ACER2: variants seen among roughly 807,000 people sequenced by gnomAD.
ACER2 encodes the protein alkaline ceramidase 2.
Under a neutral mutation model 34.7 loss-of-function variants are expected in ACER2, and 26 were observed. That is an observed-to-expected ratio of 0.75 (90% confidence interval 0.55 to 1.04). ACER2 has a LOEUF of 1.04. ACER2 is among the 50% of genes least tolerant of loss of function. The pLI, the probability that ACER2 is intolerant of heterozygous loss-of-function variation, is 0.00. For synonymous variants in ACER2, 138 were observed against 132.1 expected (o/e 1.04, Z -0.31); for missense variants, 352 against 340.8 (o/e 1.03, Z -0.26).
intron 4 of ACER2, 132 bp downstream of exon 4, chr9:19,435,216 T>C: frequency 8.5e-7 from 1 of 1,176,782 alleles, no homozygotes. Context: ...GACTGTTGGA[T>C]GGAAGCAATT....
intron 1 of ACER2, among the ~76,000 whole-genome samples, chr9:19,423,583 C>T (rs1026684819): frequency 1.3e-5 from 2 of 152,164 alleles, no homozygotes; most frequent in Non-Finnish European, 2.9e-5. Flanking sequence ...TGCCTGTAAT[C>T]CCAGCTACTC....
intron 1 of ACER2, among the ~76,000 whole-genome samples, chr9:19,419,893 T>C (rs1258919040): frequency 6.6e-6 from 1 of 152,202 alleles, no homozygotes; most frequent in Non-Finnish European, 1.5e-5. Flanking sequence ...CTGCTCCCAT[T>C]CTGCCCCTGA....
Position 19,424,813 on chromosome 9 carries a change from T to G in ACER2, c.337T>G (p.Tyr113Asp), listed in dbSNP as rs1354308273. 9.3e-6 allele frequency: 15 copies of G among 1,614,070 alleles called. No homozygotes were observed. The highest frequency in any genetic ancestry group is 1.3e-5 in the Non-Finnish European group (15 of 1,180,038). Residue 113 changes from tyrosine to aspartate, a missense_variant, in exon 3 of 6, where the codon TAT becomes GAT. Transcript: ENST00000340967. The part of the protein sequence containing the change: ...CALAMWFPRR[Y>D]LPKIFRNDRG... ...TTTGGCCATGTGGTTCCCCAGAAGG[T>G]ATCTACCAAAGATCTTTCGGAATGA... is the stretch of plus-strand genomic sequence containing the variant.
chr9:19,437,449 C>G (rs554389566), intron 4 of ACER2, among the ~76,000 whole-genome samples: 1 of 152,314 alleles, frequency 6.6e-6, no homozygotes, highest in African/African-American at 2.4e-5. Context: ...GTCACCTCCT[C>G]CCATATCCAT....
rs1186726131 is a variant in ACER2 at position 19,424,744 on chromosome 9, C to G, written c.268C>G (p.Gln90Glu). The change falls in exon 3 of 6, where the codon CAG (glutamine) becomes GAG (glutamate). Residue 90 changes from glutamine to glutamate, a missense_variant. Gln to Glu is a conservative substitution (Grantham distance 29, BLOSUM62 2). Coordinates refer to ENST00000340967, the MANE Select transcript of ACER2 (RefSeq NM_001010887.3). ...CCATGCAACCCTTAGTTTCTTGGGT[C>G]AGATGCTTGATGAACTTGCAGTCCT... is the stretch of plus-strand genomic sequence containing the variant. ...YFHATLSFLG[Q>E]MLDELAVLWV... 1 of 1,613,984 alleles carries G rather than the reference C, an allele frequency of 6.2e-7. No homozygotes were observed. The highest frequency in any genetic ancestry group is 8.5e-7 in the Non-Finnish European group (1 of 1,180,040).
chr9:19,421,672 G>C (rs1830411757), intron 1 of ACER2, among the ~76,000 whole-genome samples: 1 of 152,122 alleles, frequency 6.6e-6, no homozygotes, highest in Admixed American at 6.5e-5. Context: ...GAACTAGATA[G>C]AGGTGATGGT....
chr9:19,450,251 C>T, intron 5 of ACER2, 199 bp from the exon 6 acceptor site: 1 of 985,404 alleles, frequency 1.0e-6, no homozygotes, highest in Non-Finnish European at 1.2e-6. Flanking sequence ...TAAAACGGGT[C>T]CCAAATTGCT....
intron 5 of ACER2, 130 bp downstream of exon 5, chr9:19,446,548 G>A (rs1355337869): frequency 1.4e-5 from 21 of 1,530,868 alleles, no homozygotes; most frequent in African/African-American, 1.2e-4. Context: ...TCAGGTGGAC[G>A]GTCAGATGGT....
chr9:19,446,472 G>A (rs1831368582), intron 5 of ACER2, 54 bp downstream of exon 5: 2 of 1,610,268 alleles, frequency 1.2e-6, no homozygotes, highest in East Asian at 2.2e-5. Flanking sequence ...TGCACTTGCT[G>A]TTGGGCTCTG....
In ACER2 at chr9:19,422,365, A is replaced by G. The variant is rs571124701; in HGVS notation, c.109-1497A>G. 2.1e-3 allele frequency among the ~76,000 whole-genome samples: 319 copies of G among 152,224 alleles called. 3 individuals are homozygous for G. Among genetic ancestry groups the G allele is most frequent in the African/African-American group, 7.4e-3 (307 of 41,568 alleles). On this transcript the variant is annotated intron_variant, in intron 1 of 5. Transcript: ENST00000340967. The stretch of plus-strand genomic sequence containing the variant: ...ATAGTGATTACATGTTCAAATGACA[A>G]TATTTTGAATACATTGCATTAAATA...
intron 4 of ACER2, among the ~76,000 whole-genome samples, chr9:19,441,682 G>C (rs1245661496): frequency 6.6e-6 from 1 of 152,052 alleles, no homozygotes; most frequent in Non-Finnish European, 1.5e-5. Flanking sequence ...TATTTATATT[G>C]TTTTGTTTGT....
intron 1 of ACER2, among the ~76,000 whole-genome samples, chr9:19,410,743 C>T (rs1170711731): frequency 6.6e-6 from 1 of 152,158 alleles, no homozygotes; most frequent in African/African-American, 2.4e-5. Flanking sequence ...CTGTGAAAGA[C>T]AGTGGAAGTG....
intron 5 of ACER2, among the ~76,000 whole-genome samples, chr9:19,449,182 GTAGAC>G: frequency 6.6e-6 from 1 of 152,286 alleles, no homozygotes; most frequent in South Asian, 2.1e-4. Flanking sequence ...TTGGCACATA[GTAGAC>G]AGTCATTACT....
At chr9:19,409,320 A>C (rs1183487787) in intron 1 of ACER2, 128 bp downstream of exon 1, 6 of 823,126 alleles carry the variant, frequency 7.3e-6, no homozygotes. Context: ...GGGCTGAGTC[A>C]GTCCACACCC....
At chr9:19,428,776 G>GT (rs10569579) in intron 3 of ACER2, among the ~76,000 whole-genome samples, 4,179 of 77,890 alleles carry the variant, frequency 0.054, 650 homozygotes, top group Non-Finnish European at 0.075. Context: ...GGACAAGTGG[G>GT]TTTTTTTTTT....
intron 3 of ACER2, among the ~76,000 whole-genome samples, chr9:19,431,175 A>T (rs993734103): frequency 8.5e-5 from 13 of 152,214 alleles, no homozygotes; most frequent in African/African-American, 3.1e-4. Context: ...GATGGTAAGG[A>T]TAACAGTAAT....
At chr9:19,421,459 C>T (rs1450477882) in intron 1 of ACER2, among the ~76,000 whole-genome samples, 2 of 152,056 alleles carry the variant, frequency 1.3e-5, no homozygotes, top group Non-Finnish European at 2.9e-5. Context: ...ACCTTAAAAA[C>T]ATTATGCTAA....
At chr9:19,439,149 G>T (rs1362998814) in intron 4 of ACER2, among the ~76,000 whole-genome samples, 1 of 152,010 alleles carries the variant, frequency 6.6e-6, no homozygotes, top group East Asian at 1.9e-4. Context: ...AAAATGTTCT[G>T]CCCTGGAAAA....
chr9:19,423,782 A>G (rs1589042307), intron 1 of ACER2, 80 bp from the exon 2 acceptor site: 3 of 1,001,994 alleles, frequency 3.0e-6, no homozygotes. Flanking sequence ...GTTTGCAAGG[A>G]CATACTTGGA....
Sources: allele counts gnomAD v4.1 joint callset (sites outside exome capture counted in the v4.1 genomes callset), GRCh38; gene constraint gnomAD v4.1.1; transcripts MANE v1.5; gene names NCBI Gene and HGNC (gene_info 2026-07-23, HGNC 2026-07-21).